Variants in ADAMTS3 observed in about 807,000 individuals in gnomAD.
The protein encoded by ADAMTS3 is ADAM metallopeptidase with thrombospondin type 1 motif 3.
ADAMTS3 carries 73 observed loss-of-function variants against 129.0 expected under a neutral mutation model. The ratio of observed to expected loss-of-function variants is 0.57; its 90% CI spans 0.47 to 0.69. The LOEUF is 0.69. Ranked by LOEUF, ADAMTS3 falls within the 30% of genes least tolerant of loss-of-function variation. The probability of loss-of-function intolerance (pLI) is 0.00; values close to 1 mark genes in which losing one functional copy is unlikely to be tolerated. For missense variants in ADAMTS3, 1,457 were observed against 1,514.5 expected (o/e 0.96, Z 0.63); for synonymous variants, 477 against 510.8 (o/e 0.93, Z 0.89).
At chr4:72,505,565 C>T (rs536169932) in intron 3 of ADAMTS3, among the ~76,000 whole-genome samples, 16 of 152,262 alleles carry the variant, frequency 1.1e-4, no homozygotes, top group South Asian at 2.1e-4. Context: ...TGGAAGGAGA[C>T]GGTAGAGGGG....
chr4:72,346,216 C>A (rs1055618810), intron 4 of ADAMTS3, among the ~76,000 whole-genome samples: 1 of 152,136 alleles, frequency 6.6e-6, no homozygotes, highest in African/African-American at 2.4e-5. Flanking sequence ...TAGAAACTCT[C>A]TGGTAACATT....
chr4:72,324,471 C>T (rs1027518601), intron 5 of ADAMTS3, among the ~76,000 whole-genome samples: 1 of 152,028 alleles, frequency 6.6e-6, no homozygotes, highest in Non-Finnish European at 1.5e-5. Flanking sequence ...TCTGGCTAAG[C>T]TAGAATATAC....
intron 3 of ADAMTS3, among the ~76,000 whole-genome samples, chr4:72,541,748 T>C (rs1301753684): frequency 2.6e-5 from 4 of 151,536 alleles, no homozygotes; most frequent in African/African-American, 4.9e-5. Flanking sequence ...CCTGCCACTA[T>C]GTAAGATGTG....
rs546785500 is a variant in ADAMTS3, at chr4:72,511,297, A to G, written c.504+37181T>C. On this transcript the variant is annotated intron_variant, in intron 3 of 21. Coordinates refer to ENST00000286657, the MANE Select transcript of ADAMTS3 (RefSeq NM_014243.3). ...CAAATGGGATCACATCAACTTAAAA[A>G]GCTTCTGCACAGCAAAGTGAAAAGA... 2.0e-4 allele frequency among the ~76,000 whole-genome samples: 30 copies of G among 152,294 alleles called. 1 individual carries two copies. In the South Asian group the frequency reaches 5.4e-3, roughly 27 times the overall value.
chr4:72,313,587 T>C, intron 12 of ADAMTS3, 90 bp downstream of exon 12: 1 of 1,368,840 alleles, frequency 7.3e-7, no homozygotes, highest in African/African-American at 1.4e-5. Context: ...GTGTTTTACA[T>C]GCACTTTATA....
At chr4:72,511,427 T>C (rs1229623012) in intron 3 of ADAMTS3, among the ~76,000 whole-genome samples, 1 of 152,094 alleles carries the variant, frequency 6.6e-6, no homozygotes, top group African/African-American at 2.4e-5. Flanking sequence ...GAAAAAAATC[T>C]AATAACCTGA....
At position 72,315,883 on chromosome 4, in the gene ADAMTS3, T is replaced by C. The variant is rs1297701003; in HGVS notation, c.1574A>G (p.Asp525Gly). 6.2e-7 allele frequency: 1 copy of C among 1,611,240 alleles called. No individual in the cohort carries two copies. The highest frequency in any genetic ancestry group is 2.2e-5 in the East Asian group (1 of 44,766). ...FCKTKKGPPL[D>G]GTECAAGKWC... ...TTTTCCAGCAGCACATTCAGTCCCA[T>C]CAAGTGGAGGTCCCTTTTTAGTCTT... The change falls in exon 11 of 22, where the codon GAT becomes GGT. Residue 525 changes from aspartate (D) to glycine (G), a missense_variant. Asp to Gly is a moderately conservative substitution (Grantham distance 94). Coordinates refer to ENST00000286657, the MANE Select transcript of ADAMTS3 (RefSeq NM_014243.3).
At chr4:72,482,637 T>G (rs980284319) in intron 3 of ADAMTS3, among the ~76,000 whole-genome samples, 2 of 152,104 alleles carry the variant, frequency 1.3e-5, no homozygotes, top group Admixed American at 1.3e-4. Context: ...CATACTGTAG[T>G]TGAGGATGTT....
intron 17 of ADAMTS3, among the ~76,000 whole-genome samples, chr4:72,300,280 C>A (rs1718916488): frequency 1.3e-5 from 2 of 152,072 alleles, no homozygotes. Flanking sequence ...ACACCCTCAT[C>A]TCCTAGCTAC....
At chr4:72,385,030 T>C (rs1340393681) in intron 4 of ADAMTS3, among the ~76,000 whole-genome samples, 1 of 151,760 alleles carries the variant, frequency 6.6e-6, no homozygotes, top group East Asian at 1.9e-4. Context: ...AAAAAGAAAA[T>C]TAGCCGGGAT....
rs115958180 is a variant in ADAMTS3 at position 72,471,314 on chromosome 4, T to C, written c.505-56343A>G. On this transcript the variant is annotated intron_variant, in intron 3 of 21. Transcript: ENST00000286657. ...TAGTTATAGTAACAAATGTCAATAA[T>C]GCAATAACTTCTAACTCCATGACAC... is the stretch of plus-strand genomic sequence containing the variant. 5.4e-3 allele frequency among the ~76,000 whole-genome samples: 821 copies of C among 152,284 alleles called. 4 individuals are homozygous for C. The highest frequency in any genetic ancestry group is 0.019 in the African/African-American group (794 of 41,576).
Position 72,283,720 on chromosome 4 carries a change from G to GAAAATA in ADAMTS3, c.3050-22_3050-17dup. ...CATGGTTCATCTGCAAAAATAAAAA[G>GAAAATA]AAAATAAACTAACACTAGCATCTAA... On this transcript the variant is annotated splice_polypyrimidine_tract_variant and intron_variant, in intron 21 of 21. Transcript: ENST00000286657. 6.6e-7 allele frequency: 1 copy of GAAAATA among 1,522,312 alleles called. No individual in the cohort carries two copies. Among genetic ancestry groups the GAAAATA allele is most frequent in the Non-Finnish European group, 8.8e-7 (1 of 1,134,068 alleles). The allele number at this position is 1,522,312 out of a possible 1,614,324, so 94.3% of individuals were successfully genotyped here.
At chr4:72,543,211 A>T (rs72853101) in intron 3 of ADAMTS3, among the ~76,000 whole-genome samples, 3,286 of 152,202 alleles carry the variant, frequency 0.022, 132 homozygotes, top group African/African-American at 0.075. Context: ...TAAGACATAA[A>T]CCTCTCTCTT....
chr4:72,285,991 A>C (rs1203431723), intron 21 of ADAMTS3, among the ~76,000 whole-genome samples: 1 of 152,180 alleles, frequency 6.6e-6, no homozygotes, highest in African/African-American at 2.4e-5. Flanking sequence ...TTTTACTTCA[A>C]ATATGGTAGA....
chr4:72,546,998 G>A (rs146720652), intron 3 of ADAMTS3, among the ~76,000 whole-genome samples: 4 of 152,244 alleles, frequency 2.6e-5, no homozygotes, highest in African/African-American at 4.8e-5. Flanking sequence ...TTTGTTACAC[G>A]TTGCTGAGAT....
intron 4 of ADAMTS3, among the ~76,000 whole-genome samples, chr4:72,349,310 C>G (rs1265240094): frequency 6.6e-6 from 1 of 151,930 alleles, no homozygotes; most frequent in African/African-American, 2.4e-5. Context: ...GCTGTTTGAT[C>G]ATACATGATT....
intron 4 of ADAMTS3, among the ~76,000 whole-genome samples, chr4:72,396,834 G>A (rs1433493320): frequency 1.3e-5 from 2 of 152,166 alleles, no homozygotes; most frequent in Admixed American, 6.5e-5. Context: ...CAGAGATTAG[G>A]TAGGAGTCAG....
chr4:72,316,382 A>G (rs1022649350), intron 10 of ADAMTS3, among the ~76,000 whole-genome samples: 7 of 152,132 alleles, frequency 4.6e-5, no homozygotes, highest in Non-Finnish European at 8.8e-5. Flanking sequence ...TCAGATAGAT[A>G]GTTGAATATA....
In ADAMTS3 at chr4:72,385,031, T is replaced by C. The variant is rs547748346; in HGVS notation, c.661+29784A>G. 5.9e-4 allele frequency among the ~76,000 whole-genome samples: 89 copies of C among 152,050 alleles called. 1 individual carries two copies. Among genetic ancestry groups the C allele is most frequent in the Non-Finnish European group, 1.0e-3 (71 of 67,972 alleles). On this transcript the variant is annotated intron_variant, in intron 4 of 21. Transcript: ENST00000286657. ...AAAATATATTTTAAAAAAAGAAAATTAGCCGGGATTGGTGGCGGGCACCTG... is the reference window on the plus strand; with the variant it reads ...AAAATATATTTTAAAAAAAGAAAATCAGCCGGGATTGGTGGCGGGCACCTG...
Sources: gnomAD v4.1 joint callset for allele counts (sites outside exome capture counted in the v4.1 genomes callset) on GRCh38, gnomAD v4.1.1 for gene constraint, MANE v1.5 for transcripts, NCBI Gene and HGNC (gene_info 2026-07-23, HGNC 2026-07-21) for gene names.